CDK14: variants seen among roughly 807,000 people sequenced by gnomAD.
CDK14 encodes the protein cyclin-dependent kinase 14.
Under a neutral mutation model 60.7 loss-of-function variants are expected in CDK14, and 34 were observed. The observed-to-expected ratio is 0.56, with a 90% confidence interval of 0.43 to 0.75. The LOEUF (loss-of-function observed/expected upper bound fraction) is 0.75, where lower values mean the gene tolerates loss of function less well. CDK14 is among the 30% of genes least tolerant of loss of function. The pLI is 0.00. For missense variants in CDK14, 482 were observed against 564.1 expected (o/e 0.85, Z 1.47); for synonymous variants, 197 against 203.7 (o/e 0.97, Z 0.28).
intron 10 of CDK14, among the ~76,000 whole-genome samples, chr7:90,991,887 A>C (rs1034349117): frequency 6.6e-5 from 10 of 152,194 alleles, no homozygotes; most frequent in Admixed American, 3.9e-4. Context: ...AAGATTTTGC[A>C]TGTGAAACAG....
chr7:91,101,713 T>G (rs935146815), intron 12 of CDK14, among the ~76,000 whole-genome samples: 186 of 152,308 alleles, frequency 1.2e-3, no homozygotes, highest in African/African-American at 4.4e-3. Flanking sequence ...GGTTGAGAAG[T>G]ACACTGCACA....
At chr7:91,206,931 G>A (rs1055830351) in intron 14 of CDK14, among the ~76,000 whole-genome samples, 1 of 152,104 alleles carries the variant, frequency 6.6e-6, no homozygotes, top group Non-Finnish European at 1.5e-5. Context: ...TTCAGTTGGT[G>A]GAGTTAAATG....
intron 11 of CDK14, among the ~76,000 whole-genome samples, chr7:91,049,380 G>A (rs895509056): frequency 6.6e-6 from 1 of 152,124 alleles, no homozygotes; most frequent in African/African-American, 2.4e-5. Flanking sequence ...TAGAATAGTG[G>A]AGTTATGATT....
At chr7:90,830,060 C>T (rs989210478) in intron 5 of CDK14, among the ~76,000 whole-genome samples, 11 of 152,162 alleles carry the variant, frequency 7.2e-5, no homozygotes, top group Admixed American at 2.0e-4. Context: ...GTCTGGAGAA[C>T]AGCGGCCTTC....
intron 2 of CDK14, among the ~76,000 whole-genome samples, chr7:90,671,369 G>C (rs1297131666): frequency 2.6e-5 from 4 of 151,666 alleles, no homozygotes; most frequent in Non-Finnish European, 5.9e-5. Context: ...GGTTATTTAG[G>C]TTCACTGTAG....
At position 91,118,195 on chromosome 7, in the gene CDK14, T is replaced by G; in HGVS notation, c.*15T>G. On this transcript the variant is annotated 3_prime_UTR_variant, in exon 14 of 15. Coordinates refer to ENST00000380050, the MANE Select transcript of CDK14 (RefSeq NM_001287135.2). The stretch of plus-strand genomic sequence containing the variant: ...GCAAGCACTGACAAGCAGCACATTC[T>G]CAAGAGCACACAGGTAAGAGGACCT... The G allele has an allele frequency of 6.7e-7, 1 of 1,495,662 alleles. No individual in the cohort carries two copies. The highest frequency in any genetic ancestry group is 9.3e-7 in the Non-Finnish European group (1 of 1,073,036). 92.6% of individuals were successfully genotyped at this position (1,495,662 alleles called of 1,614,324 possible). A position where few individuals can be genotyped will look rare whatever the true frequency, so the allele number is the denominator to read the frequency against.
chr7:91,074,660 T>A, intron 11 of CDK14, among the ~76,000 whole-genome samples: 1 of 151,108 alleles, frequency 6.6e-6, no homozygotes, highest in South Asian at 2.1e-4. Flanking sequence ...AGAGGAGAAC[T>A]GAAGGATATG....
chr7:91,174,918 C>T (rs1370945596), intron 14 of CDK14, among the ~76,000 whole-genome samples: 2 of 143,008 alleles, frequency 1.4e-5, no homozygotes, highest in Admixed American at 1.4e-4. Context: ...CCCAATCTAG[C>T]AAGGAAGGCC....
At chr7:91,157,033 C>T (rs867389667) in intron 14 of CDK14, among the ~76,000 whole-genome samples, 11 of 152,034 alleles carry the variant, frequency 7.2e-5, no homozygotes, top group African/African-American at 2.7e-4. Context: ...CTTAAGTGCT[C>T]AGAGAGATTT....
chr7:90,977,504 A>G (rs954161280), intron 9 of CDK14, among the ~76,000 whole-genome samples: 4 of 152,086 alleles, frequency 2.6e-5, no homozygotes, highest in African/African-American at 7.2e-5. Flanking sequence ...TTTCCTGAGA[A>G]ACGAACTCAG....
intron 6 of CDK14, among the ~76,000 whole-genome samples, chr7:90,892,888 C>CCTGCCT (rs1225772335): frequency 1.3e-5 from 2 of 152,228 alleles, no homozygotes; most frequent in Admixed American, 6.5e-5. Flanking sequence ...AAGCAGTTCT[C>CCTGCCT]CTGCCTCTGC....
Position 90,948,181 on chromosome 7 carries a change from T to C in CDK14, c.827-7516T>C, listed in dbSNP as rs531709169. Among the ~76,000 whole-genome samples the C allele has an allele frequency of 7.2e-4, 110 of 152,346 alleles. 1 individual carries two copies. The highest frequency in any genetic ancestry group is 2.5e-3 in the African/African-American group (106 of 41,586). ...CATTATGGAAATTCATCAAAATTGCTGATTTAGTCAGGTTTTGAAATTCAT... is the reference window on the plus strand; with the variant it reads ...CATTATGGAAATTCATCAAAATTGCCGATTTAGTCAGGTTTTGAAATTCAT... On this transcript the variant is annotated intron_variant, in intron 8 of 14. Coordinates refer to ENST00000380050, the MANE Select transcript of CDK14 (RefSeq NM_001287135.2).
chr7:90,749,197 C>T (rs945941755), intron 4 of CDK14, among the ~76,000 whole-genome samples: 2 of 152,164 alleles, frequency 1.3e-5, no homozygotes, highest in African/African-American at 4.8e-5. Context: ...ATTCCACACC[C>T]GGGCAGATCT....
intron 7 of CDK14, among the ~76,000 whole-genome samples, chr7:90,907,809 G>A (rs1792762717): frequency 6.6e-6 from 1 of 152,022 alleles, no homozygotes; most frequent in Non-Finnish European, 1.5e-5. Flanking sequence ...AGAACAAGCA[G>A]GTGTATAACA....
At chr7:91,042,059 A>G (rs556889985) in intron 10 of CDK14, among the ~76,000 whole-genome samples, 1 of 152,330 alleles carries the variant, frequency 6.6e-6, no homozygotes, top group East Asian at 1.9e-4. Context: ...GTAGCATGTA[A>G]CTTGGACCAG....
chr7:90,976,693 A>G (rs1218658605), intron 9 of CDK14, among the ~76,000 whole-genome samples: 3 of 152,088 alleles, frequency 2.0e-5, no homozygotes, highest in Non-Finnish European at 4.4e-5. Flanking sequence ...TAAGATTGAT[A>G]GTTTTATCAT....
At chr7:90,950,025 T>G (rs1794207833) in intron 8 of CDK14, among the ~76,000 whole-genome samples, 1 of 152,260 alleles carries the variant, frequency 6.6e-6, no homozygotes, top group Non-Finnish European at 1.5e-5. Context: ...TTTAAGTCTT[T>G]TATTGTTATT....
At chr7:90,877,949 G>T (rs542175989) in intron 6 of CDK14, among the ~76,000 whole-genome samples, 1 of 152,042 alleles carries the variant, frequency 6.6e-6, no homozygotes, top group South Asian at 2.1e-4. Context: ...TGGATGAGCA[G>T]CCAGTCTCCA....
At chr7:90,976,460 G>A (rs1356727935) in intron 9 of CDK14, among the ~76,000 whole-genome samples, 1 of 151,904 alleles carries the variant, frequency 6.6e-6, no homozygotes, top group Non-Finnish European at 1.5e-5. Context: ...GGTTCCAGCA[G>A]TCCTCCCACC....
Sources: allele counts gnomAD v4.1 joint callset (sites outside exome capture counted in the v4.1 genomes callset), GRCh38; gene constraint gnomAD v4.1.1; transcripts MANE v1.5; gene names NCBI Gene and HGNC (gene_info 2026-07-23, HGNC 2026-07-21).